Variants in CEP63 observed in about 807,000 individuals in gnomAD.
CEP63 encodes centrosomal protein of 63 kDa.
A neutral mutation model predicts 89.1 loss-of-function variants in CEP63; 84 were observed. That is an observed-to-expected ratio of 0.94 (90% confidence interval 0.79 to 1.13). The LOEUF is 1.13. Among genes scored for constraint, CEP63 ranks in the 50% most tolerant of loss-of-function variants. The pLI, the probability that CEP63 is intolerant of heterozygous loss-of-function variation, is 0.00. For missense variants in CEP63, 838 were observed against 813.3 expected, an observed-to-expected ratio of 1.03 and a Z score of -0.37; for synonymous variants, 267 against 272.5, an observed-to-expected ratio of 0.98 and a Z score of 0.20.
At chr3:134,738,983 C>T in the CEP63 span, among the ~76,000 whole-genome samples, 1 of 148,884 alleles carries the variant, frequency 6.7e-6, no homozygotes, top group South Asian at 2.1e-4. Context: ...AAAAAAAACC[C>T]AGATAACAAG....
chr3:134,740,061 C>A, the CEP63 span, among the ~76,000 whole-genome samples: 1 of 152,096 alleles, frequency 6.6e-6, no homozygotes, highest in African/African-American at 2.4e-5. Context: ...GTCTCCTGGG[C>A]TAGGCAATGG....
the CEP63 span, among the ~76,000 whole-genome samples, chr3:134,721,549 T>C: frequency 2.0e-5 from 3 of 152,168 alleles, no homozygotes; most frequent in African/African-American, 7.2e-5. Flanking sequence ...GTTCCTGATC[T>C]TTGAGGGAAT....
At chr3:134,742,890 G>A in the CEP63 span, among the ~76,000 whole-genome samples, 3 of 152,182 alleles carry the variant, frequency 2.0e-5, no homozygotes, top group African/African-American at 7.2e-5. Flanking sequence ...ATAAATTTAC[G>A]TTCATTATAA....
the CEP63 span, among the ~76,000 whole-genome samples, chr3:134,596,299 C>G: frequency 6.6e-6 from 1 of 152,172 alleles, no homozygotes; most frequent in Non-Finnish European, 1.5e-5. Context: ...CCATCCTTCT[C>G]TAGTCAAGAC....
At chr3:134,660,179 G>A in the CEP63 span, among the ~76,000 whole-genome samples, 2 of 152,374 alleles carry the variant, frequency 1.3e-5, no homozygotes, top group East Asian at 1.9e-4. Context: ...GCCTGAAAGT[G>A]GGGCATGTTC....
At chr3:134,577,696 C>T (rs1315351408), downstream of CEP63, among the ~76,000 whole-genome samples, 2 of 151,750 alleles carry the variant, frequency 1.3e-5, no homozygotes, top group African/African-American at 4.8e-5. Flanking sequence ...GGTGGTTTGC[C>T]GCACCTGTCA....
chr3:134,568,721 TG>T (rs559213797), downstream of CEP63, among the ~76,000 whole-genome samples: 14 of 152,348 alleles, frequency 9.2e-5, no homozygotes, highest in East Asian at 2.5e-3. Context: ...ATTAACCCAT[TG>T]TTTAACAACA....
At chr3:134,737,195 A>G in the CEP63 span, among the ~76,000 whole-genome samples, 1 of 152,242 alleles carries the variant, frequency 6.6e-6, no homozygotes, top group Non-Finnish European at 1.5e-5. Flanking sequence ...CACATTCAAT[A>G]TTTTAGAAGG....
intron 10 of CEP63, among the ~76,000 whole-genome samples, chr3:134,584,466 T>A (rs1958434963): frequency 2.0e-5 from 3 of 152,220 alleles, no homozygotes. Context: ...TCTGTTTATG[T>A]GATGGATTAC....
chr3:134,657,079 G>A, the CEP63 span, among the ~76,000 whole-genome samples: 2 of 152,120 alleles, frequency 1.3e-5, no homozygotes, highest in South Asian at 2.1e-4. Context: ...CCTGAAACTG[G>A]GAAGAAAAAG....
the CEP63 span, among the ~76,000 whole-genome samples, chr3:134,747,880 G>A: frequency 2.6e-5 from 4 of 152,102 alleles, no homozygotes; most frequent in African/African-American, 9.7e-5. Context: ...CTGCCTCTCG[G>A]GTTGAAGCGA....
chr3:134,555,255 G>A (rs1265504378), intron 12 of CEP63, among the ~76,000 whole-genome samples: 1 of 152,114 alleles, frequency 6.6e-6, no homozygotes, highest in Admixed American at 6.6e-5. Flanking sequence ...TCAACATACT[G>A]TTGGAAGTTC....
chr3:134,559,499 TGAA>T lies in CEP63; in HGVS notation c.1953+75_1953+77del. The T allele has an allele frequency of 3.0e-6, 4 of 1,336,984 alleles. No individual in the cohort carries two copies. The South Asian group carries it at 3.8e-5, about 13-fold the overall frequency. The allele number at this position is 1,336,984 out of a possible 1,614,324, so 82.8% of individuals were successfully genotyped here. On this transcript the variant is annotated intron_variant, in intron 14 of 14. Coordinates refer to ENST00000675561, the MANE Select transcript of CEP63 (RefSeq NM_001353108.3). ...TTGCTTTGATTTTTTATTTTAAGGG[TGAA>T]GAAGGTGATTTTTTTTTCCTTACTG... is the stretch of plus-strand genomic sequence containing the variant.
At chr3:134,658,592 G>T in the CEP63 span, among the ~76,000 whole-genome samples, 3 of 152,202 alleles carry the variant, frequency 2.0e-5, no homozygotes, top group Non-Finnish European at 4.4e-5. Flanking sequence ...AATTAATGCT[G>T]CCAGCAAGCT....
downstream of CEP63, among the ~76,000 whole-genome samples, chr3:134,575,522 C>T (rs1286779955): frequency 1.1e-5 from 1 of 87,442 alleles, no homozygotes; most frequent in Admixed American, 1.7e-4. Context: ...TTCTTCCTTT[C>T]TTTCCTTTTT....
At chr3:134,501,309 A>G (rs1941932063) in intron 2 of CEP63, among the ~76,000 whole-genome samples, 3 of 152,120 alleles carry the variant, frequency 2.0e-5, no homozygotes, top group Non-Finnish European at 2.9e-5. Flanking sequence ...TGCTTTGGCT[A>G]TTTGGGCTCT....
chr3:134,516,845 C>T (rs780274048), intron 3 of CEP63, among the ~76,000 whole-genome samples: 1 of 152,206 alleles, frequency 6.6e-6, no homozygotes, highest in African/African-American at 2.4e-5. Context: ...CTACTTCTTT[C>T]TGCACAGACA....
the CEP63 span, among the ~76,000 whole-genome samples, chr3:134,713,172 G>T: frequency 6.6e-6 from 1 of 152,200 alleles, no homozygotes; most frequent in African/African-American, 2.4e-5. Context: ...ATGGGCTCCA[G>T]GGACAGGACT....
chr3:134,645,229 A>T, the CEP63 span, among the ~76,000 whole-genome samples: 3 of 152,138 alleles, frequency 2.0e-5, no homozygotes, highest in African/African-American at 7.2e-5. Context: ...GTGGGGTAGG[A>T]GGGTGAGGAG....
Sources: gnomAD v4.1 joint callset for allele counts (sites outside exome capture counted in the v4.1 genomes callset) on GRCh38, gnomAD v4.1.1 for gene constraint, MANE v1.5 for transcripts, NCBI Gene and HGNC (gene_info 2026-07-23, HGNC 2026-07-21) for gene names.